The following CNTLN variants were observed in gnomAD, a reference collection of about 807,000 sequenced individuals.
CNTLN encodes the protein centlein, centrosomal protein.
A neutral mutation model predicts 180.0 loss-of-function variants in CNTLN; 212 were observed. The observed-to-expected ratio is 1.18, with a 90% CI of 1.05 to 1.32. CNTLN has a LOEUF of 1.32. Among genes scored for constraint, CNTLN ranks in the 40% most tolerant of loss-of-function variants. The pLI is 0.00. For missense variants in CNTLN, 2,095 were observed against 1,610.9 expected, an observed-to-expected ratio of 1.30 and a Z score of -5.14; for synonymous variants, 722 against 563.1, an observed-to-expected ratio of 1.28 and a Z score of -3.99.
chr9:17,141,570 C>A (rs1251832026), intron 1 of CNTLN, among the ~76,000 whole-genome samples: 1 of 152,064 alleles, frequency 6.6e-6, no homozygotes, highest in African/African-American at 2.4e-5. Context: ...GTAGCCTTGA[C>A]ACAGAGTTTG....
intron 5 of CNTLN, among the ~76,000 whole-genome samples, chr9:17,272,472 A>G (rs1009315845): frequency 4.6e-5 from 7 of 151,992 alleles, no homozygotes; most frequent in Non-Finnish European, 8.8e-5. Context: ...ACCATCCTCT[A>G]TTTCTACCCT....
At chr9:17,302,608 T>A (rs1171981965) in intron 7 of CNTLN, among the ~76,000 whole-genome samples, 8 of 146,950 alleles carry the variant, frequency 5.4e-5, no homozygotes, top group Non-Finnish European at 7.5e-5. Flanking sequence ...ACATGATCAG[T>A]AAACGTTAAG....
intron 2 of CNTLN, among the ~76,000 whole-genome samples, chr9:17,180,045 ACCTATATTG>A: frequency 6.6e-6 from 1 of 151,972 alleles, no homozygotes; most frequent in East Asian, 1.9e-4. Context: ...CTTTCAACTT[ACCTATATTG>A]CCATATTTGA....
At chr9:17,446,769 G>A (rs12006101) in intron 18 of CNTLN, among the ~76,000 whole-genome samples, 12,945 of 151,998 alleles carry the variant, frequency 0.085, 905 homozygotes, top group African/African-American at 0.19. Flanking sequence ...GTCCACAAAG[G>A]CCTTTTAGAG....
At chr9:17,493,389 G>T (rs1228202249) in intron 25 of CNTLN, among the ~76,000 whole-genome samples, 1 of 152,012 alleles carries the variant, frequency 6.6e-6, no homozygotes, top group Non-Finnish European at 1.5e-5. Flanking sequence ...GTCAAATATA[G>T]TATGGAACAG....
At chr9:17,445,132 A>T (rs558805599) in intron 18 of CNTLN, among the ~76,000 whole-genome samples, 3 of 152,258 alleles carry the variant, frequency 2.0e-5, no homozygotes, top group African/African-American at 7.2e-5. Context: ...CTTGAACCTT[A>T]TGAAATTTAT....
intron 19 of CNTLN, among the ~76,000 whole-genome samples, chr9:17,459,623 G>A (rs539108750): frequency 9.8e-4 from 149 of 151,718 alleles, no homozygotes; most frequent in Non-Finnish European, 5.9e-5. Context: ...AATAGCAAAC[G>A]TATATATTAT....
At chr9:17,395,133 T>G in intron 15 of CNTLN, 64 bp downstream of exon 15, 1 of 1,497,962 alleles carries the variant, frequency 6.7e-7, no homozygotes, top group Non-Finnish European at 8.9e-7. Context: ...CACTAGCAAA[T>G]GGAGATTGAA....
chr9:17,146,437 C>T (rs1818463590), intron 2 of CNTLN, among the ~76,000 whole-genome samples: 1 of 152,142 alleles, frequency 6.6e-6, no homozygotes, highest in African/African-American at 2.4e-5. Context: ...GTATGTTGAA[C>T]CCTAATACCC....
intron 12 of CNTLN, among the ~76,000 whole-genome samples, chr9:17,353,316 C>A (rs1310964529): frequency 7.1e-6 from 1 of 140,546 alleles, no homozygotes. Flanking sequence ...ACAGTGGCTG[C>A]ACAATTTTAT....
chr9:17,424,460 T>C (rs1412658015), intron 18 of CNTLN, among the ~76,000 whole-genome samples: 3 of 152,306 alleles, frequency 2.0e-5, no homozygotes, highest in Admixed American at 2.0e-4. Flanking sequence ...AACATATGTG[T>C]CATCCTAAAG....
chr9:17,282,743 C>T (rs1002417416), intron 6 of CNTLN, among the ~76,000 whole-genome samples: 13 of 152,104 alleles, frequency 8.5e-5, no homozygotes, highest in East Asian at 7.7e-4. Flanking sequence ...AGTCTTTAAC[C>T]TATCTTGAAT....
chr9:17,143,450 C>A, intron 2 of CNTLN, 74 bp downstream of exon 2: 1 of 1,028,054 alleles, frequency 9.7e-7, no homozygotes, highest in Non-Finnish European at 1.5e-6. Flanking sequence ...AAAGTTAGTA[C>A]TTATCATTAA....
At chr9:17,383,643 A>AT (rs879287408) in intron 13 of CNTLN, among the ~76,000 whole-genome samples, 1,820 of 147,542 alleles carry the variant, frequency 0.012, 39 homozygotes, top group African/African-American at 0.041. Context: ...CGTAACATGA[A>AT]TTTTTTTTTT....
intron 18 of CNTLN, among the ~76,000 whole-genome samples, chr9:17,451,222 T>G (rs576761846): frequency 6.6e-6 from 1 of 152,316 alleles, no homozygotes; most frequent in East Asian, 1.9e-4. Context: ...CTGTAGAATT[T>G]ACATATATTC....
chr9:17,205,491 C>A (rs1292894850), intron 2 of CNTLN, among the ~76,000 whole-genome samples: 2 of 152,132 alleles, frequency 1.3e-5, no homozygotes, highest in Non-Finnish European at 2.9e-5. Context: ...ACTCACCAGA[C>A]CATGATGTCT....
chr9:17,277,800 T>C (rs1423848126), intron 6 of CNTLN, among the ~76,000 whole-genome samples: 1 of 152,104 alleles, frequency 6.6e-6, no homozygotes, highest in East Asian at 1.9e-4. Context: ...ATGAAAAATG[T>C]GTATTACCTC....
chr9:17,216,082 C>A (rs2132012781), intron 2 of CNTLN, among the ~76,000 whole-genome samples: 1 of 152,222 alleles, frequency 6.6e-6, no homozygotes, highest in Non-Finnish European at 1.5e-5. Context: ...CTGACAAGCC[C>A]CAGTGAGTTG....
Position 17,261,868 on chromosome 9 carries a change from A to T in CNTLN, c.850-11865A>T, listed in dbSNP as rs1320466427. 9.2e-5 allele frequency among the ~76,000 whole-genome samples: 14 copies of T among 151,664 alleles called. 1 individual carries two copies. The highest frequency in any genetic ancestry group is 3.4e-4 in the African/African-American group (14 of 40,984). ...GGTATCCAGAATCTACAAGGAACTT[A>T]AACAAATTTACAAGTAAAAAACAAC... On this transcript the variant is annotated intron_variant, in intron 5 of 25. Coordinates refer to ENST00000380647, the MANE Select transcript of CNTLN (RefSeq NM_017738.4).
Sources: allele counts gnomAD v4.1 joint callset (sites outside exome capture counted in the v4.1 genomes callset), GRCh38; gene constraint gnomAD v4.1.1; transcripts MANE v1.5; gene names NCBI Gene and HGNC (gene_info 2026-07-23, HGNC 2026-07-21).